Variants in FMN1 observed in about 807,000 individuals in gnomAD.
FMN1 encodes the protein formin-1.
In FMN1, 110 loss-of-function variants were observed where a neutral mutation model predicts 132.4. The ratio of observed to expected loss-of-function variants is 0.83; its 90% confidence interval spans 0.71 to 0.97. FMN1 has a LOEUF of 0.97. Among genes scored for constraint, FMN1 ranks in the 50% least tolerant of loss-of-function variants. The pLI is 0.00. For synonymous variants in FMN1, 722 were observed against 651.7 expected, an observed-to-expected ratio of 1.11 and a Z score of -1.64; for missense variants, 1,792 against 1,705.3, an observed-to-expected ratio of 1.05 and a Z score of -0.90.
chr15:32,813,420 CT>C (rs1305113227), intron 17 of FMN1, among the ~76,000 whole-genome samples: 9 of 151,850 alleles, frequency 5.9e-5, no homozygotes, highest in South Asian at 2.1e-4. Flanking sequence ...AGTAAACTCA[CT>C]TTTTTTTTCC....
chr15:33,144,005 C>A (rs1175899715), intron 4 of FMN1, among the ~76,000 whole-genome samples: 1 of 152,110 alleles, frequency 6.6e-6, no homozygotes, highest in Non-Finnish European at 1.5e-5. Flanking sequence ...TCAGTAGGGA[C>A]AAAATTACTA....
At chr15:33,054,012 TCTCC>T (rs980114113) in intron 6 of FMN1, among the ~76,000 whole-genome samples, 1 of 152,116 alleles carries the variant, frequency 6.6e-6, no homozygotes, top group Non-Finnish European at 1.5e-5. Flanking sequence ...GTGCCTCTCC[TCTCC>T]CTGAGAGTTG....
At chr15:32,997,896 T>A (rs1173312432) in intron 7 of FMN1, among the ~76,000 whole-genome samples, 1 of 152,068 alleles carries the variant, frequency 6.6e-6, no homozygotes, top group East Asian at 1.9e-4. Context: ...AAGACACAAA[T>A]GTAAATGTCC....
At chr15:33,151,336 T>A in intron 4 of FMN1, 1 of 1,536,664 alleles carries the variant, frequency 6.5e-7, no homozygotes, top group South Asian at 1.2e-5. Flanking sequence ...TTACAGTTCT[T>A]ATGACTGGTT....
intron 9 of FMN1, among the ~76,000 whole-genome samples, chr15:32,956,088 A>C (rs1169585345): frequency 1.3e-5 from 2 of 152,142 alleles, no homozygotes; most frequent in Non-Finnish European, 2.9e-5. Context: ...CTAAAGAGAG[A>C]GCTGGGGGCA....
intron 16 of FMN1, among the ~76,000 whole-genome samples, chr15:32,868,307 A>T (rs1468417261): frequency 6.6e-6 from 1 of 152,206 alleles, no homozygotes; most frequent in Non-Finnish European, 1.5e-5. Flanking sequence ...ATACAGTTAC[A>T]GTATAGTACA....
intron 4 of FMN1, among the ~76,000 whole-genome samples, chr15:33,128,115 A>T (rs1963286329): frequency 6.6e-6 from 1 of 152,146 alleles, no homozygotes; most frequent in African/African-American, 2.4e-5. Flanking sequence ...AAGGGAGAGG[A>T]GACACCATGG....
At chr15:32,803,604 C>A (rs894112957) in intron 18 of FMN1, among the ~76,000 whole-genome samples, 9 of 152,140 alleles carry the variant, frequency 5.9e-5, no homozygotes, top group African/African-American at 1.9e-4. Flanking sequence ...AGCCCCTTCT[C>A]CCCACCTGAA....
chr15:32,832,220 A>G (rs2058519525), intron 17 of FMN1, among the ~76,000 whole-genome samples: 1 of 152,230 alleles, frequency 6.6e-6, no homozygotes, highest in Admixed American at 6.5e-5. Context: ...CAGGGAAGAC[A>G]TATGAAAAAA....
At chr15:32,774,440 TGA>T (rs2056350580) in intron 20 of FMN1, 86 bp from the exon 21 acceptor site, 1 of 1,119,442 alleles carries the variant, frequency 8.9e-7, no homozygotes, top group African/African-American at 1.6e-5. Context: ...TCTAGAATGC[TGA>T]GTTTCCGGAA....
rs369534808 is a variant in FMN1, at chr15:32,812,651, A to C, written c.3929-8319T>G. 6.2e-4 allele frequency among the ~76,000 whole-genome samples: 95 copies of C among 152,332 alleles called. No individual in the cohort carries two copies. The South Asian group carries it at 0.018, about 30-fold the overall frequency. ...GCGCAACAGACAGTTTATTCATGTCATGTCAGTGCTCAAAAAGTTTCAGAT... is the reference window on the plus strand; with the variant it reads ...GCGCAACAGACAGTTTATTCATGTCCTGTCAGTGCTCAAAAAGTTTCAGAT... On this transcript the variant is annotated intron_variant, in intron 17 of 20. Transcript: ENST00000616417.
intron 4 of FMN1, among the ~76,000 whole-genome samples, chr15:33,126,954 T>C (rs1378971841): frequency 6.6e-6 from 1 of 152,216 alleles, no homozygotes; most frequent in African/African-American, 2.4e-5. Context: ...GACAAAGAAC[T>C]GTGGTTGGCT....
chr15:32,965,329 G>A (rs2031099299), intron 8 of FMN1, among the ~76,000 whole-genome samples: 1 of 152,168 alleles, frequency 6.6e-6, no homozygotes, highest in East Asian at 1.9e-4. Context: ...GAACCCGGGA[G>A]GCAGAGGTTG....
chr15:33,072,021 C>T (rs181051041), intron 5 of FMN1, among the ~76,000 whole-genome samples: 515 of 152,198 alleles, frequency 3.4e-3, no homozygotes, highest in Non-Finnish European at 6.3e-3. Flanking sequence ...TTGTCTTAAC[C>T]TCAAGACAAA....
chr15:32,969,139 G>A lies in FMN1; in HGVS notation c.2562C>T (p.Leu854=). ...PNDHKDIHAA[L]QPMEGMASNQ... ...TTGATGCCATGCCCTCCATTGGCTG[G>A]AGTGCTGCATGGATGTCTTTGTGGT... Residue 854 remains leucine (L), a synonymous_variant, in exon 8 of 21, where the codon CTC becomes CTT. Transcript: ENST00000616417. The A allele has an allele frequency of 1.2e-6, 2 of 1,613,910 alleles. No homozygotes were observed. The highest frequency in any genetic ancestry group is 1.7e-6 in the Non-Finnish European group (2 of 1,179,848).
rs2060019824 is a variant in FMN1, at chr15:32,891,205, C to T, written c.3715-2913G>A. ...CCTCCAAATTTCTCTTCTGCTTAGT[C>T]TTGGCTCCCGCCACGTGGGTTCTTT... On this transcript the variant is annotated intron_variant, in intron 15 of 20. Coordinates refer to ENST00000616417, the MANE Select transcript of FMN1 (RefSeq NM_001277313.2). Among the ~76,000 whole-genome samples, 3 of 152,208 alleles carry T rather than the reference C, an allele frequency of 2.0e-5. No individual in the cohort carries two copies. In the South Asian group the frequency reaches 6.2e-4, roughly 32 times the overall value.
intron 6 of FMN1, among the ~76,000 whole-genome samples, chr15:33,047,871 C>G (rs1445273352): frequency 6.6e-6 from 1 of 151,800 alleles, no homozygotes; most frequent in African/African-American, 2.4e-5. Flanking sequence ...AGCAAGTAAT[C>G]CAATTAAAAA....
chr15:33,023,889 T>C (rs2035540487), intron 6 of FMN1, among the ~76,000 whole-genome samples: 1 of 152,188 alleles, frequency 6.6e-6, no homozygotes, highest in African/African-American at 2.4e-5. Context: ...TTCAAAACCA[T>C]TCACAAGAAT....
At chr15:32,881,779 C>CAT (rs370245394) in intron 16 of FMN1, among the ~76,000 whole-genome samples, 20 of 152,258 alleles carry the variant, frequency 1.3e-4, no homozygotes, top group African/African-American at 4.8e-4. Flanking sequence ...GCACAGGAAG[C>CAT]ATAGCTCACC....
Sources: gnomAD v4.1 joint callset for allele counts (sites outside exome capture counted in the v4.1 genomes callset) on GRCh38, gnomAD v4.1.1 for gene constraint, MANE v1.5 for transcripts, NCBI Gene and HGNC (gene_info 2026-07-23, HGNC 2026-07-21) for gene names.